ENPP2: variants seen among roughly 807,000 people sequenced by gnomAD.
ENPP2 encodes the protein ectonucleotide pyrophosphatase/phosphodiesterase 2, also known as autotaxin.
Under a neutral mutation model 120.2 loss-of-function variants are expected in ENPP2, and 51 were observed. That is an observed-to-expected ratio of 0.42 (90% CI 0.34 to 0.54). The LOEUF is 0.54. ENPP2 is among the 20% of genes least tolerant of loss of function. ENPP2 has a pLI of 0.04. For synonymous variants in ENPP2, 365 were observed against 366.4 expected, an observed-to-expected ratio of 1.00 and a Z score of 0.04; for missense variants, 920 against 1,066.5, an observed-to-expected ratio of 0.86 and a Z score of 1.91.
At chr8:119,575,327 T>C (rs1812258789) in intron 19 of ENPP2, among the ~76,000 whole-genome samples, 2 of 151,826 alleles carry the variant, frequency 1.3e-5, no homozygotes, top group South Asian at 2.1e-4. Context: ...TCATGGAGAG[T>C]GTATGGGAAA....
chr8:119,663,389 T>C (rs1041566421), intron 1 of ENPP2, among the ~76,000 whole-genome samples: 1 of 152,216 alleles, frequency 6.6e-6, no homozygotes, highest in African/African-American at 2.4e-5. Flanking sequence ...CCAGGTACAA[T>C]ACTTTTTTAG....
chr8:119,659,875 T>G (rs1817873037), intron 1 of ENPP2, among the ~76,000 whole-genome samples: 2 of 152,104 alleles, frequency 1.3e-5, no homozygotes, highest in Non-Finnish European at 2.9e-5. Context: ...CAATCTGGAG[T>G]CACTGGGAAT....
chr8:119,564,713 A>G (rs914493752), intron 23 of ENPP2, 110 bp downstream of exon 23: 13 of 697,854 alleles, frequency 1.9e-5, no homozygotes, highest in Non-Finnish European at 1.9e-5. Context: ...GAAAAATTCA[A>G]AAAACTTAAG....
intron 15 of ENPP2, among the ~76,000 whole-genome samples, chr8:119,585,749 AAC>A (rs1813063181): frequency 6.6e-6 from 1 of 152,218 alleles, no homozygotes; most frequent in Non-Finnish European, 1.5e-5. Context: ...TGCCCACAAT[AAC>A]AGAGTTTTTA....
intron 8 of ENPP2, among the ~76,000 whole-genome samples, chr8:119,608,609 T>G (rs1339970742): frequency 6.6e-6 from 1 of 152,178 alleles, no homozygotes; most frequent in African/African-American, 2.4e-5. Flanking sequence ...CGTGTACTAT[T>G]GGGGAGGCAT....
At chr8:119,644,592 A>G (rs61388613) in intron 1 of ENPP2, among the ~76,000 whole-genome samples, 13,402 of 74,764 alleles carry the variant, frequency 0.18, 688 homozygotes, top group African/African-American at 0.29. Context: ...ACTAAAATAT[A>G]TATATATATA....
intron 18 of ENPP2, chr8:119,580,972 A>G (rs1812692206): frequency 6.6e-6 from 1 of 152,170 alleles, no homozygotes; most frequent in South Asian, 2.1e-4. Flanking sequence ...TACGTTATTT[A>G]ATAAATATAT....
At chr8:119,665,811 T>G (rs1298257507) in intron 1 of ENPP2, among the ~76,000 whole-genome samples, 2 of 152,206 alleles carry the variant, frequency 1.3e-5, no homozygotes, top group African/African-American at 4.8e-5. Context: ...TGACTCAATA[T>G]CCTTCTTTCC....
intron 1 of ENPP2, among the ~76,000 whole-genome samples, chr8:119,656,964 G>T (rs540432250): frequency 7.9e-5 from 12 of 151,694 alleles, no homozygotes; most frequent in Admixed American, 2.0e-4. Context: ...GTCTCATTCC[G>T]TTGCCCAGGC....
At chr8:119,618,198 C>T in intron 5 of ENPP2, 1 of 411,756 alleles carries the variant, frequency 2.4e-6, no homozygotes, top group South Asian at 1.8e-5. Context: ...ATCAAGGCTG[C>T]CCTTTCTGCC....
chr8:119,557,345 C>A lies in ENPP2; in HGVS notation c.*176G>T. The A allele has an allele frequency of 1.8e-6, 1 of 561,784 alleles. No individual in the cohort carries two copies. Among genetic ancestry groups the A allele is most frequent in the Non-Finnish European group, 3.1e-6 (1 of 324,178 alleles). The allele number at this position is 561,784 out of a possible 1,614,324, so 34.8% of individuals were successfully genotyped here. The stretch of plus-strand genomic sequence containing the variant: ...TACAAGCTCTACTCAGAACACAAGG[C>A]TACCTAAATCAAGCATTAGAGAAAA... On this transcript the variant is annotated 3_prime_UTR_variant, in exon 25 of 25. Transcript: ENST00000075322.
At chr8:119,626,785 A>C (rs1816311094) in intron 2 of ENPP2, 65 bp from the exon 3 acceptor site, 2 of 1,489,628 alleles carry the variant, frequency 1.3e-6, no homozygotes, top group African/African-American at 2.8e-5. Context: ...GAAAGGTGGC[A>C]CTGGGAAGCT....
At chr8:119,593,691 C>T in intron 12 of ENPP2, 61 bp downstream of exon 12, 1 of 1,060,860 alleles carries the variant, frequency 9.4e-7, no homozygotes, top group Non-Finnish European at 1.5e-6. Flanking sequence ...GATTCTTTTC[C>T]TCAATATGAT....
At chr8:119,670,135 G>A (rs547296878) in intron 1 of ENPP2, among the ~76,000 whole-genome samples, 136 of 152,170 alleles carry the variant, frequency 8.9e-4, no homozygotes, top group Non-Finnish European at 1.7e-3. Flanking sequence ...AGCCAAAACT[G>A]CAAAAGGCCT....
At chr8:119,581,306 T>TGTGGGG (rs1812719128) in intron 18 of ENPP2, among the ~76,000 whole-genome samples, 1 of 150,102 alleles carries the variant, frequency 6.7e-6, no homozygotes, top group Non-Finnish European at 1.5e-5. Flanking sequence ...AAGCATAGTG[T>TGTGGGG]GTGGGGGTAG....
chr8:119,626,514 C>T (rs1816286930), intron 3 of ENPP2, 51 bp downstream of exon 3: 1 of 1,503,584 alleles, frequency 6.7e-7, no homozygotes, highest in African/African-American at 1.4e-5. Context: ...CAATAGCAGG[C>T]AGTCTTTAAG....
intron 7 of ENPP2, 51 bp downstream of exon 7, chr8:119,617,113 T>G (rs773747887): frequency 1.6e-5 from 18 of 1,132,630 alleles, no homozygotes; most frequent in Non-Finnish European, 2.3e-5. Flanking sequence ...TTAAAGTCAT[T>G]CCAGGATGAA....
At chr8:119,602,904 C>T (rs1173050685) in intron 9 of ENPP2, among the ~76,000 whole-genome samples, 1 of 152,122 alleles carries the variant, frequency 6.6e-6, no homozygotes, top group Non-Finnish European at 1.5e-5. Context: ...AAGGATAAAT[C>T]CTCAAGCCGG....
chr8:119,638,838 C>G lies in ENPP2; in HGVS notation c.-58G>C. ...GTTCTCTTTGCCTTCACGGAGTGCACTGCTTTGAGGCTCTGGGTTTAGTCT... is the reference window on the plus strand; with the variant it reads ...GTTCTCTTTGCCTTCACGGAGTGCAGTGCTTTGAGGCTCTGGGTTTAGTCT... On this transcript the variant is annotated 5_prime_UTR_variant, in exon 1 of 25. Coordinates refer to ENST00000075322, the MANE Select transcript of ENPP2 (RefSeq NM_001040092.3). 6.2e-7 allele frequency: 1 copy of G among 1,612,600 alleles called. No homozygotes were observed. Among genetic ancestry groups the G allele is most frequent in the Non-Finnish European group, 8.5e-7 (1 of 1,178,656 alleles).
Sources: allele counts gnomAD v4.1 joint callset (sites outside exome capture counted in the v4.1 genomes callset), GRCh38; gene constraint gnomAD v4.1.1; transcripts MANE v1.5; gene names NCBI Gene and HGNC (gene_info 2026-07-23, HGNC 2026-07-21).